Variants in MAGI2 observed in about 807,000 individuals in gnomAD.
MAGI2 encodes the protein membrane associated guanylate kinase, WW and PDZ domain containing 2, also known as membrane-associated guanylate kinase, WW and PDZ domain-containing protein 2.
Under a neutral mutation model 133.3 loss-of-function variants are expected in MAGI2, and 35 were observed. The observed-to-expected ratio is 0.26, with a 90% CI of 0.20 to 0.35. The LOEUF (loss-of-function observed/expected upper bound fraction) is 0.35. Among genes scored for constraint, MAGI2 ranks in the 10% least tolerant of loss-of-function variants. The pLI, the probability that MAGI2 is intolerant of heterozygous loss-of-function variation, is 1.00. For synonymous variants in MAGI2, 729 were observed against 710.6 expected (o/e 1.03, Z -0.41); for missense variants, 1,636 against 1,863.4 (o/e 0.88, Z 2.25).
At chr7:78,772,266 T>C (rs1180956159) in intron 2 of MAGI2, among the ~76,000 whole-genome samples, 1 of 152,218 alleles carries the variant, frequency 6.6e-6, no homozygotes, top group Non-Finnish European at 1.5e-5. Flanking sequence ...ATCCACTTTC[T>C]TTCAAGGGTC....
chr7:79,159,502 A>G lies in MAGI2; in HGVS notation c.302-152296T>C, dbSNP rs191958025. On this transcript the variant is annotated intron_variant, in intron 1 of 21. Transcript: ENST00000354212. ...CACTGTGCTTCAACCTGCATGACAGAGTGAGACTCAGTCTCAAAAAAAAAA... is the reference window on the plus strand; with the variant it reads ...CACTGTGCTTCAACCTGCATGACAGGGTGAGACTCAGTCTCAAAAAAAAAA... 8.0e-3 allele frequency among the ~76,000 whole-genome samples: 1,062 copies of G among 133,488 alleles called. 10 individuals are homozygous for G. The highest frequency in any genetic ancestry group is 0.013 in the Non-Finnish European group (785 of 62,538). The allele number at this position is 133,488 out of a possible 152,430, so 87.6% of individuals were successfully genotyped here. A position where few individuals can be genotyped will look rare whatever the true frequency, so the allele number is the denominator to read the frequency against.
intron 2 of MAGI2, among the ~76,000 whole-genome samples, chr7:78,841,368 G>T (rs538888141): frequency 3.9e-5 from 6 of 151,972 alleles, no homozygotes; most frequent in African/African-American, 1.4e-4. Context: ...GAACTTCCTC[G>T]CAATCTCAGC....
intron 4 of MAGI2, among the ~76,000 whole-genome samples, chr7:78,519,584 G>T (rs915662048): frequency 3.9e-5 from 6 of 152,110 alleles, no homozygotes; most frequent in African/African-American, 1.2e-4. Context: ...TTTCTCTGGG[G>T]GTGATGAAGA....
rs116135634 is a variant in MAGI2 at position 78,641,285 on chromosome 7, T to C, written c.419-14046A>G. Among the ~76,000 whole-genome samples, 758 of 152,280 alleles carry C rather than the reference T, an allele frequency of 5.0e-3. 9 individuals carry two copies. The highest frequency in any genetic ancestry group is 0.017 in the African/African-American group (727 of 41,550). On this transcript the variant is annotated intron_variant, in intron 2 of 21. Transcript: ENST00000354212. ...TGGAAAAAGGCTGAATAGCTATTTA[T>C]CTCCCCATTTAGATCCAAACTATTC...
chr7:79,299,811 G>GGCTTGGT (rs1386731506), intron 1 of MAGI2, among the ~76,000 whole-genome samples: 1 of 152,050 alleles, frequency 6.6e-6, no homozygotes, highest in Non-Finnish European at 1.5e-5. Context: ...AGATCCTCAT[G>GGCTTGGT]GCTTGGTGCT....
intron 9 of MAGI2, among the ~76,000 whole-genome samples, chr7:78,268,949 T>C (rs114946941): frequency 0.21 from 32,490 of 151,936 alleles, 3,690 homozygotes; most frequent in South Asian, 0.31. Flanking sequence ...CCCCACCCAC[T>C]GACAAGCCCC....
At chr7:78,333,643 GCT>G (rs1353459953) in intron 9 of MAGI2, among the ~76,000 whole-genome samples, 4 of 152,172 alleles carry the variant, frequency 2.6e-5, no homozygotes, top group Non-Finnish European at 4.4e-5. Context: ...CTTCCCTTTT[GCT>G]CTCTCAAGCT....
At chr7:78,472,886 G>A (rs1013238296) in intron 6 of MAGI2, among the ~76,000 whole-genome samples, 1 of 152,112 alleles carries the variant, frequency 6.6e-6, no homozygotes, top group Non-Finnish European at 1.5e-5. Context: ...CCTGATGGTT[G>A]TCTATCCCTG....
intron 1 of MAGI2, among the ~76,000 whole-genome samples, chr7:79,038,098 T>C (rs965428460): frequency 2.0e-5 from 3 of 152,196 alleles, no homozygotes; most frequent in Non-Finnish European, 2.9e-5. Context: ...ACTGTCTAGA[T>C]TGATTATTTT....
At chr7:78,955,789 CA>C (rs1212717464) in intron 2 of MAGI2, among the ~76,000 whole-genome samples, 9 of 69,312 alleles carry the variant, frequency 1.3e-4, no homozygotes, top group African/African-American at 4.4e-4. Context: ...TTCTTTCTTT[CA>C]TTTCTTTCGT....
chr7:79,052,544 C>A (rs1812770620), intron 1 of MAGI2, among the ~76,000 whole-genome samples: 1 of 152,196 alleles, frequency 6.6e-6, no homozygotes, highest in Non-Finnish European at 1.5e-5. Context: ...ATGCCACTGG[C>A]CTTTCCACAC....
chr7:78,419,659 C>G (rs1798623956), intron 6 of MAGI2, among the ~76,000 whole-genome samples: 1 of 148,880 alleles, frequency 6.7e-6, no homozygotes, highest in South Asian at 2.1e-4. Context: ...ATTTTTTCAA[C>G]CTTTGCAGAG....
chr7:79,315,968 T>C (rs1554834), intron 1 of MAGI2, among the ~76,000 whole-genome samples: 103,186 of 151,942 alleles, frequency 0.68, 35,407 homozygotes, highest in Non-Finnish European at 0.71. Flanking sequence ...TACTAAATAG[T>C]TACATGGCCC....
At chr7:78,531,825 AT>A (rs1239019046) in intron 3 of MAGI2, among the ~76,000 whole-genome samples, 1 of 152,208 alleles carries the variant, frequency 6.6e-6, no homozygotes, top group Non-Finnish European at 1.5e-5. Flanking sequence ...CTCTACGACT[AT>A]TTTTAGTCCC....
chr7:78,136,006 T>C (rs1042525057), intron 16 of MAGI2, among the ~76,000 whole-genome samples: 2 of 152,210 alleles, frequency 1.3e-5, no homozygotes, highest in African/African-American at 2.4e-5. Context: ...TGATGCTCCA[T>C]TGATTATAAG....
intron 1 of MAGI2, among the ~76,000 whole-genome samples, chr7:79,247,145 A>C (rs1255717324): frequency 6.6e-6 from 1 of 152,196 alleles, no homozygotes; most frequent in Non-Finnish European, 1.5e-5. Flanking sequence ...CAAGAAATCT[A>C]AAAGGAGTTC....
chr7:78,879,937 G>C (rs1394746367), intron 2 of MAGI2, among the ~76,000 whole-genome samples: 1 of 151,940 alleles, frequency 6.6e-6, no homozygotes, highest in African/African-American at 2.4e-5. Context: ...ACATTTGAAA[G>C]CTTTATCAAT....
At chr7:78,192,116 G>A (rs1325121123) in intron 12 of MAGI2, among the ~76,000 whole-genome samples, 1 of 152,188 alleles carries the variant, frequency 6.6e-6, no homozygotes, top group East Asian at 1.9e-4. Context: ...AGACCTGGTT[G>A]TAAGGAAGGA....
At chr7:78,255,657 AC>A in intron 10 of MAGI2, 1 of 566,400 alleles carries the variant, frequency 1.8e-6, no homozygotes, top group Non-Finnish European at 3.1e-6. Context: ...GAAACAAAAT[AC>A]ATTCATAGTT....
Sources: gnomAD v4.1 joint callset for allele counts (sites outside exome capture counted in the v4.1 genomes callset) on GRCh38, gnomAD v4.1.1 for gene constraint, MANE v1.5 for transcripts, NCBI Gene and HGNC (gene_info 2026-07-23, HGNC 2026-07-21) for gene names.